TBCD: variants seen among roughly 807,000 people sequenced by gnomAD.
TBCD encodes the protein tubulin folding cofactor D.
In TBCD, 105 loss-of-function variants were observed where a neutral mutation model predicts 169.3. That is an observed-to-expected ratio of 0.62 (90% confidence interval 0.53 to 0.73). The LOEUF (loss-of-function observed/expected upper bound fraction) is 0.73, where lower values mean the gene tolerates loss of function less well. Ranked by LOEUF, TBCD falls within the 30% of genes least tolerant of loss-of-function variation. The pLI is 0.00. For synonymous variants in TBCD, 700 were observed against 643.9 expected, an observed-to-expected ratio of 1.09 and a Z score of -1.32; for missense variants, 1,444 against 1,600.1, an observed-to-expected ratio of 0.90 and a Z score of 1.66.
chr17:82,930,848 T>G lies in TBCD; in HGVS notation c.3113+205T>G, dbSNP rs944600380. Among the ~76,000 whole-genome samples, 2 of 152,194 alleles carry G rather than the reference T, an allele frequency of 1.3e-5. No homozygotes were observed. The highest frequency in any genetic ancestry group is 2.9e-5 in the Non-Finnish European group (2 of 68,040). ...GCGGCCAGGCCTCAGCCCCTGCGCC[T>G]CCTCTTCTAGCCTCCACATGAGGCA... On this transcript the variant is annotated intron_variant, in intron 33 of 38. Transcript: ENST00000355528. This position sits in a 1 kb window ranked among gnomAD's most constrained non-coding sequence, Gnocchi z 5.2.
At chr17:82,829,920 G>A (rs2053324470) in intron 13 of TBCD, 3 of 662,062 alleles carry the variant, frequency 4.5e-6, no homozygotes, top group African/African-American at 3.6e-5. Flanking sequence ...AGTCATTCAG[G>A]TGTTTTTACA....
At chr17:82,925,229 A>G (rs1437738273) in intron 27 of TBCD, among the ~76,000 whole-genome samples, 172 bp downstream of exon 27, 1 of 152,200 alleles carries the variant, frequency 6.6e-6, no homozygotes, top group African/African-American at 2.4e-5. Flanking sequence ...AGGGCACCCA[A>G]GGTCTGTGGC....
intron 1 of TBCD, 40 bp from the exon 2 acceptor site, chr17:82,756,125 G>T (rs762501315): frequency 1.9e-5 from 29 of 1,548,548 alleles, no homozygotes; most frequent in Non-Finnish European, 1.8e-6. Context: ...GGTATGTTTG[G>T]CCTAGTGATA....
chr17:82,787,904 C>T (rs150665383), intron 7 of TBCD, among the ~76,000 whole-genome samples: 144 of 152,222 alleles, frequency 9.5e-4, no homozygotes, highest in African/African-American at 2.7e-3. Flanking sequence ...AAGATTAATG[C>T]AAATTGAGGA....
intron 20 of TBCD, among the ~76,000 whole-genome samples, chr17:82,906,483 T>G (rs1046429349): frequency 1.3e-5 from 2 of 152,264 alleles, no homozygotes; most frequent in African/African-American, 4.8e-5. Context: ...TACACGTTTC[T>G]TTTGAATTTT....
intron 27 of TBCD, 33 bp downstream of exon 27, chr17:82,925,090 A>G: frequency 6.6e-7 from 1 of 1,510,846 alleles, no homozygotes; most frequent in Non-Finnish European, 9.0e-7. Context: ...GACGGGGCCT[A>G]GGGCGAGGGT....
In TBCD at chr17:82,901,017, C is replaced by T. The variant is rs565705934; in HGVS notation, c.1730+286C>T. ...AGTGCCGCTGCCGTCCGAGGGGGCG[C>T]GGGCGTAGCTTGGAGGCGGACTCTG... On this transcript the variant is annotated intron_variant, in intron 18 of 38. Transcript: ENST00000355528. Among the ~76,000 whole-genome samples the T allele has an allele frequency of 5.0e-4, 76 of 152,354 alleles. 1 individual carries two copies. Among genetic ancestry groups the T allele is most frequent in the Non-Finnish European group, 6.2e-4 (42 of 68,040 alleles).
chr17:82,791,707 C>T (rs557747539), intron 7 of TBCD, among the ~76,000 whole-genome samples: 1 of 152,356 alleles, frequency 6.6e-6, no homozygotes, highest in East Asian at 1.9e-4. Context: ...ACTACGTGGG[C>T]TGCTGAGAAC....
At chr17:82,887,817 C>A (rs759073672) in intron 15 of TBCD, among the ~76,000 whole-genome samples, 6 of 152,176 alleles carry the variant, frequency 3.9e-5, no homozygotes, top group Non-Finnish European at 7.3e-5. Context: ...TCGTTGTGGT[C>A]TTTACCTGCG....
intron 13 of TBCD, among the ~76,000 whole-genome samples, chr17:82,820,564 T>C (rs1431000378): frequency 1.3e-5 from 2 of 152,274 alleles, no homozygotes; most frequent in South Asian, 4.2e-4. Context: ...TTGCTGCCCC[T>C]CTCCTCTCCT....
At chr17:82,830,578 G>C in intron 13 of TBCD, 1 of 1,614,096 alleles carries the variant, frequency 6.2e-7, no homozygotes. Context: ...TGGAACAGCA[G>C]CAGCAGGTTC....
intron 13 of TBCD, among the ~76,000 whole-genome samples, chr17:82,817,351 C>T (rs988837395): frequency 6.6e-5 from 10 of 152,284 alleles, no homozygotes; most frequent in African/African-American, 2.2e-4. Flanking sequence ...GGCCGGAGTG[C>T]AGTGGCGTGA....
At chr17:82,942,226 C>A (rs980761488) in intron 38 of TBCD, 1 of 600,656 alleles carries the variant, frequency 1.7e-6, no homozygotes, top group Non-Finnish European at 2.9e-6. Flanking sequence ...CAGTGAACCT[C>A]CCTTCCCGCT....
chr17:82,774,389 T>C (rs1263803533), intron 6 of TBCD, among the ~76,000 whole-genome samples: 1 of 152,186 alleles, frequency 6.6e-6, no homozygotes, highest in African/African-American at 2.4e-5. Context: ...ATTAACAGCA[T>C]CCCAAGGCAG....
Position 82,831,187 on chromosome 17 carries a change from G to C in TBCD, c.1318+16253G>C. ...GTACAGGCCTTCGCAGGTCTGGCTC[G>C]TCTGCATGAAGTCGGTGGGGCTCGG... On this transcript the variant is annotated intron_variant, in intron 13 of 38. Coordinates refer to ENST00000355528, the MANE Select transcript of TBCD (RefSeq NM_005993.5). The surrounding 1 kb of genome is among the most constrained non-coding windows in gnomAD (Gnocchi z 4.6). 1 of 1,614,152 alleles carries C rather than the reference G, an allele frequency of 6.2e-7. No homozygotes were observed. Among genetic ancestry groups the C allele is most frequent in the Non-Finnish European group, 8.5e-7 (1 of 1,180,036 alleles).
intron 13 of TBCD, among the ~76,000 whole-genome samples, chr17:82,821,332 G>T (rs1156278203): frequency 1.5e-5 from 1 of 65,444 alleles, no homozygotes; most frequent in Non-Finnish European, 3.2e-5. Flanking sequence ...GTTTTCTTGA[G>T]ATCTGTGAGC....
chr17:82,830,803 C>G lies in TBCD; in HGVS notation c.1318+15869C>G, dbSNP rs527475848. 8.9e-5 allele frequency: 143 copies of G among 1,613,500 alleles called. No individual in the cohort carries two copies. In the East Asian group the frequency reaches 3.1e-3, roughly 35 times the overall value. On this transcript the variant is annotated intron_variant, in intron 13 of 38. Transcript: ENST00000355528. ...GCCCATCCCGGAGCTGTCGTCCGGA[C>G]TGGAAGGCGCGGCCTCCGAGACGAG...
chr17:82,855,235 C>CTTTTTTTTTTTT, intron 13 of TBCD, among the ~76,000 whole-genome samples: 1 of 54,032 alleles, frequency 1.9e-5, no homozygotes, highest in African/African-American at 6.5e-5. Flanking sequence ...AAGGTGTTTG[C>CTTTTTTTTTTTT]TTTTTTTTTT....
At chr17:82,846,522 G>A (rs1472426195) in intron 13 of TBCD, among the ~76,000 whole-genome samples, 3 of 152,168 alleles carry the variant, frequency 2.0e-5, no homozygotes, top group African/African-American at 4.8e-5. Flanking sequence ...TCTGCCTTCC[G>A]TCCCTGGCGG....
Sources: gnomAD v4.1 joint callset for allele counts (sites outside exome capture counted in the v4.1 genomes callset) on GRCh38, gnomAD v4.1.1 for gene constraint, Gnocchi (gnomAD v3.1) non-coding constraint, MANE v1.5 for transcripts, NCBI Gene and HGNC (gene_info 2026-07-23, HGNC 2026-07-21) for gene names.